Variants in TUSC3 observed in about 807,000 individuals in gnomAD.
TUSC3 encodes the protein dolichyl-diphosphooligosaccharide--protein glycosyltransferase subunit TUSC3.
Under a neutral mutation model 44.8 loss-of-function variants are expected in TUSC3, and 45 were observed. That is an observed-to-expected ratio of 1.00 (90% CI 0.79 to 1.29). TUSC3 has a LOEUF of 1.29. Ranked by LOEUF, TUSC3 falls within the 50% of genes most tolerant of loss-of-function variation. The pLI is 0.00. For synonymous variants in TUSC3, 212 were observed against 152.9 expected (o/e 1.39, Z -2.85); for missense variants, 519 against 437.9 (o/e 1.19, Z -1.65).
At chr8:15,741,895 G>T (rs1000429104) in intron 7 of TUSC3, among the ~76,000 whole-genome samples, 13 of 152,260 alleles carry the variant, frequency 8.5e-5, no homozygotes, top group African/African-American at 2.2e-4. Flanking sequence ...CTAGAAAACT[G>T]AGTTTTAAGC....
chr8:15,457,320 A>AAT (rs1200695288), intron 1 of TUSC3, among the ~76,000 whole-genome samples: 7 of 151,830 alleles, frequency 4.6e-5, no homozygotes, highest in South Asian at 2.1e-4. Context: ...GTATAATAAA[A>AAT]ATATATATAT....
chr8:15,505,079 C>A (rs999335103), intron 2 of TUSC3, among the ~76,000 whole-genome samples: 2 of 152,078 alleles, frequency 1.3e-5, no homozygotes, highest in Non-Finnish European at 2.9e-5. Flanking sequence ...AGAAATTCCA[C>A]CTCCCACATT....
At chr8:15,417,736 C>G (rs1037085018) in intron 1 of TUSC3, among the ~76,000 whole-genome samples, 2 of 152,152 alleles carry the variant, frequency 1.3e-5, no homozygotes, top group African/African-American at 4.8e-5. Flanking sequence ...GTATGCACAG[C>G]TGGTAGGATA....
chr8:15,506,637 G>T (rs1167761390), intron 2 of TUSC3, among the ~76,000 whole-genome samples: 2 of 152,194 alleles, frequency 1.3e-5, no homozygotes, highest in African/African-American at 4.8e-5. Flanking sequence ...GAGAATGTGT[G>T]CAGGGGAAGT....
At chr8:15,797,672 G>A in the TUSC3 span, among the ~76,000 whole-genome samples, 16 of 152,242 alleles carry the variant, frequency 1.1e-4, no homozygotes, top group Non-Finnish European at 1.5e-4. Flanking sequence ...GGCAACAGTC[G>A]GGGAGTACAG....
At chr8:15,697,699 T>G (rs1347665903) in intron 6 of TUSC3, among the ~76,000 whole-genome samples, 1 of 152,226 alleles carries the variant, frequency 6.6e-6, no homozygotes, top group Non-Finnish European at 1.5e-5. Context: ...TATTATCTGT[T>G]TAGGTCATAA....
chr8:15,641,498 C>T (rs1014152459), intron 2 of TUSC3, among the ~76,000 whole-genome samples: 2 of 152,010 alleles, frequency 1.3e-5, no homozygotes, highest in Non-Finnish European at 2.9e-5. Flanking sequence ...GGGGAAGACA[C>T]TAGAAGTAAG....
intron 3 of TUSC3, among the ~76,000 whole-genome samples, chr8:15,653,719 A>C (rs1239096190): frequency 6.6e-6 from 1 of 152,214 alleles, no homozygotes; most frequent in Non-Finnish European, 1.5e-5. Flanking sequence ...AATCTACAGA[A>C]GTGGAGAAGT....
chr8:15,455,525 CAT>C (rs1800243848), intron 1 of TUSC3, among the ~76,000 whole-genome samples: 1 of 152,034 alleles, frequency 6.6e-6, no homozygotes, highest in Non-Finnish European at 1.5e-5. Context: ...ATATACATAA[CAT>C]ACAGAGGCAC....
chr8:15,730,820 CTT>C, intron 7 of TUSC3, 91 bp downstream of exon 7: 1 of 1,249,554 alleles, frequency 8.0e-7, no homozygotes, highest in Non-Finnish European at 1.2e-6. Flanking sequence ...AATATCAAGA[CTT>C]TTAAGAGACA....
At chr8:15,690,847 C>T (rs370341724) in intron 6 of TUSC3, among the ~76,000 whole-genome samples, 23 of 151,628 alleles carry the variant, frequency 1.5e-4, no homozygotes, top group African/African-American at 5.3e-4. Context: ...TTATTCTGTT[C>T]CATTGGTCTG....
chr8:15,639,230 A>T (rs1031970027), intron 2 of TUSC3, among the ~76,000 whole-genome samples: 2 of 150,582 alleles, frequency 1.3e-5, no homozygotes, highest in African/African-American at 4.9e-5. Flanking sequence ...AGATCACGTG[A>T]TGTTCAGCGC....
chr8:15,683,856 G>A (rs1808518022), intron 6 of TUSC3, among the ~76,000 whole-genome samples: 1 of 152,058 alleles, frequency 6.6e-6, no homozygotes, highest in South Asian at 2.1e-4. Flanking sequence ...TATATGGTGT[G>A]TATAGTCAGC....
chr8:15,481,147 C>G (rs1800654555), intron 1 of TUSC3, among the ~76,000 whole-genome samples: 1 of 150,098 alleles, frequency 6.7e-6, no homozygotes, highest in Non-Finnish European at 1.5e-5. Flanking sequence ...ACTTGGGAGG[C>G]TGAGGCAGGA....
chr8:15,589,711 T>G (rs1207904113), intron 1 of TUSC3, among the ~76,000 whole-genome samples: 1 of 142,626 alleles, frequency 7.0e-6, no homozygotes, highest in Admixed American at 7.0e-5. Flanking sequence ...CTGATTATTT[T>G]GTTTTTTGTA....
intron 1 of TUSC3, among the ~76,000 whole-genome samples, chr8:15,575,083 TA>T (rs1489426611): frequency 6.6e-6 from 1 of 152,164 alleles, no homozygotes; most frequent in African/African-American, 2.4e-5. Flanking sequence ...ATTAATGGTT[TA>T]AAAAATATTA....
chr8:15,685,505 G>A (rs1256176676), intron 6 of TUSC3, among the ~76,000 whole-genome samples: 1 of 152,154 alleles, frequency 6.6e-6, no homozygotes, highest in East Asian at 1.9e-4. Context: ...TTCTTAAACA[G>A]TTGGATAGAT....
chr8:15,607,791 G>T (rs989746150), intron 1 of TUSC3, among the ~76,000 whole-genome samples: 2 of 152,026 alleles, frequency 1.3e-5, no homozygotes, highest in Non-Finnish European at 2.9e-5. Flanking sequence ...CTGTGTTTCA[G>T]TTAAATCTGT....
intron 6 of TUSC3, among the ~76,000 whole-genome samples, chr8:15,680,015 A>C (rs899792289): frequency 6.6e-6 from 1 of 151,710 alleles, no homozygotes; most frequent in South Asian, 2.1e-4. Flanking sequence ...ATGTTGGGTA[A>C]TATCCCTCCA....
Sources: allele counts gnomAD v4.1 joint callset (sites outside exome capture counted in the v4.1 genomes callset), GRCh38; gene constraint gnomAD v4.1.1; transcripts MANE v1.5; gene names NCBI Gene and HGNC (gene_info 2026-07-23, HGNC 2026-07-21).